The following PCDH15 variants were observed in gnomAD, a reference collection of about 807,000 sequenced individuals.
PCDH15 encodes the protein protocadherin-15.
Under a neutral mutation model 178.5 loss-of-function variants are expected in PCDH15, and 129 were observed. The ratio of observed to expected loss-of-function variants is 0.72; its 90% CI spans 0.63 to 0.84. The LOEUF is 0.84. PCDH15 is among the 40% of genes least tolerant of loss of function. The pLI, the probability that PCDH15 is intolerant of heterozygous loss-of-function variation, is 0.00. For missense variants in PCDH15, 2,230 were observed against 2,099.9 expected (o/e 1.06, Z -1.21); for synonymous variants, 800 against 732.0 (o/e 1.09, Z -1.50).
intron 3 of PCDH15, among the ~76,000 whole-genome samples, chr10:54,436,019 G>T (rs1405492609): frequency 1.7e-5 from 1 of 59,790 alleles, no homozygotes; most frequent in Non-Finnish European, 3.5e-5. Flanking sequence ...GAGGAGAGGA[G>T]AGGAGAGGAG....
At chr10:54,461,553 C>T (rs1299387868) in intron 3 of PCDH15, among the ~76,000 whole-genome samples, 1 of 152,056 alleles carries the variant, frequency 6.6e-6, no homozygotes, top group Non-Finnish European at 1.5e-5. Context: ...TCTTTATAAG[C>T]ATATATAGCA....
At chr10:54,831,197 A>G (rs931013383) in intron 3 of PCDH15, among the ~76,000 whole-genome samples, 1 of 152,092 alleles carries the variant, frequency 6.6e-6, no homozygotes, top group East Asian at 1.9e-4. Context: ...TAATTTTTTT[A>G]TTCCTGATCT....
chr10:55,583,578 C>A (rs1842666263), intron 2 of PCDH15, among the ~76,000 whole-genome samples: 1 of 152,066 alleles, frequency 6.6e-6, no homozygotes, highest in Non-Finnish European at 1.5e-5. Context: ...GAATTACAGG[C>A]ATGTACCACC....
chr10:55,477,647 T>C (rs573059517), intron 2 of PCDH15, among the ~76,000 whole-genome samples: 5 of 152,062 alleles, frequency 3.3e-5, no homozygotes, highest in African/African-American at 1.2e-4. Flanking sequence ...CATCATTTAG[T>C]GTTCTTAATG....
chr10:55,053,069 TC>T (rs1011301240), intron 2 of PCDH15, among the ~76,000 whole-genome samples: 17 of 152,148 alleles, frequency 1.1e-4, no homozygotes, highest in African/African-American at 3.9e-4. Flanking sequence ...AACCTAGCAT[TC>T]AAATAGCATT....
chr10:54,613,504 T>TACACACACAC (rs367744959), intron 2 of PCDH15, among the ~76,000 whole-genome samples: 1 of 148,388 alleles, frequency 6.7e-6, no homozygotes, highest in Non-Finnish European at 1.5e-5. Context: ...CACACACACA[T>TACACACACAC]ACACACACAC....
chr10:55,459,258 A>G (rs1839620673), intron 2 of PCDH15, among the ~76,000 whole-genome samples: 1 of 120,734 alleles, frequency 8.3e-6, no homozygotes, highest in Non-Finnish European at 1.7e-5. Flanking sequence ...GGAAAGAAAA[A>G]AATAAATCTT....
chr10:54,167,462 C>T (rs915010726), intron 13 of PCDH15, among the ~76,000 whole-genome samples: 2 of 152,112 alleles, frequency 1.3e-5, no homozygotes, highest in Non-Finnish European at 2.9e-5. Context: ...GGAAGGCAGC[C>T]TTCCCTTGGT....
intron 2 of PCDH15, among the ~76,000 whole-genome samples, chr10:55,435,555 A>G (rs1288820221): frequency 6.6e-6 from 1 of 152,144 alleles, no homozygotes; most frequent in Non-Finnish European, 1.5e-5. Flanking sequence ...AACACAGATC[A>G]GGGAAACTGA....
At chr10:53,898,213 C>T (rs1009803958) in intron 26 of PCDH15, among the ~76,000 whole-genome samples, 6 of 151,862 alleles carry the variant, frequency 4.0e-5, no homozygotes, top group African/African-American at 1.5e-4. Context: ...GTGATCCGCC[C>T]GCCTCGGCCT....
At chr10:55,064,841 G>A (rs1477432560) in intron 2 of PCDH15, among the ~76,000 whole-genome samples, 12 of 151,904 alleles carry the variant, frequency 7.9e-5, no homozygotes, top group African/African-American at 2.4e-5. Context: ...AAATAACAAA[G>A]GTGCTAAACT....
chr10:54,803,634 G>A (rs1294953903), upstream of PCDH15, among the ~76,000 whole-genome samples: 1 of 152,148 alleles, frequency 6.6e-6, no homozygotes. Flanking sequence ...TAGACACACT[G>A]CTCATACAGA....
intron 2 of PCDH15, among the ~76,000 whole-genome samples, chr10:55,013,878 C>G (rs1403534837): frequency 1.3e-5 from 2 of 152,000 alleles, no homozygotes; most frequent in Non-Finnish European, 2.9e-5. Context: ...AATTTCAACC[C>G]TAGAACAGTA....
intron 5 of PCDH15, among the ~76,000 whole-genome samples, chr10:54,354,307 A>C (rs1193559027): frequency 6.6e-6 from 1 of 152,186 alleles, no homozygotes; most frequent in Non-Finnish European, 1.5e-5. Context: ...GAAGTTGTTG[A>C]ATATTTGAAT....
At chr10:54,903,420 C>T (rs1954670219) in intron 2 of PCDH15, among the ~76,000 whole-genome samples, 1 of 152,072 alleles carries the variant, frequency 6.6e-6, no homozygotes, top group Admixed American at 6.6e-5. Flanking sequence ...ATTCAGACTT[C>T]CAAAGTATAA....
In PCDH15 at chr10:53,940,285, T is replaced by G. The variant is rs111783774; in HGVS notation, c.3232+581A>C. On this transcript the variant is annotated intron_variant, in intron 24 of 37. Coordinates refer to ENST00000644397, the MANE Select transcript of PCDH15 (RefSeq NM_001384140.1). ...AGCTATGACCTTATTCCCAGAGGCC[T>G]GCAAATTCCTATGATTCTTAAATTA... Among the ~76,000 whole-genome samples, 199 of 152,298 alleles carry G rather than the reference T, an allele frequency of 1.3e-3. 1 individual carries two copies. Among genetic ancestry groups the G allele is most frequent in the Non-Finnish European group, 1.9e-3 (131 of 68,012 alleles).
intron 1 of PCDH15, among the ~76,000 whole-genome samples, chr10:54,712,594 C>T (rs946881493): frequency 2.0e-5 from 3 of 151,702 alleles, no homozygotes; most frequent in Admixed American, 2.0e-4. Flanking sequence ...ATGGGTGCAC[C>T]CTGTTCTCCA....
At position 55,177,381 on chromosome 10, in the gene PCDH15, G is replaced by A. The variant is rs543982197; in HGVS notation, c.-155-10730C>T. On this transcript the variant is annotated intron_variant, in intron 1 of 5. Coordinates refer to the PCDH15 transcript ENST00000458638. ...GGCATCAGCCGTTAGTCTTCCCATTGGGAAGCCGTTCAATCCTTATGGATC... is the reference window on the plus strand; with the variant it reads ...GGCATCAGCCGTTAGTCTTCCCATTAGGAAGCCGTTCAATCCTTATGGATC... 2.6e-5 allele frequency among the ~76,000 whole-genome samples: 4 copies of A among 152,256 alleles called. No homozygotes were observed. The East Asian group carries it at 7.7e-4, about 29-fold the overall frequency.
chr10:55,337,344 T>C (rs1209222653), intron 2 of PCDH15, among the ~76,000 whole-genome samples: 1 of 152,130 alleles, frequency 6.6e-6, no homozygotes, highest in Non-Finnish European at 1.5e-5. Context: ...CTGAGAGGAA[T>C]CATACCCAGG....
Sources: allele counts gnomAD v4.1 joint callset (sites outside exome capture counted in the v4.1 genomes callset), GRCh38; gene constraint gnomAD v4.1.1; transcripts MANE v1.5; gene names NCBI Gene and HGNC (gene_info 2026-07-23, HGNC 2026-07-21).